The following SOCS6 variants were observed in gnomAD, a reference collection of about 807,000 sequenced individuals.
SOCS6 encodes the protein suppressor of cytokine signaling 6, also known as STAT induced STAT inhibitor-4.
A neutral mutation model predicts 27.7 loss-of-function variants in SOCS6; 5 were observed. The ratio of observed to expected loss-of-function variants is 0.18; its 90% CI spans 0.09 to 0.38. The LOEUF (loss-of-function observed/expected upper bound fraction) is 0.38. Among genes scored for constraint, SOCS6 ranks in the 10% least tolerant of loss-of-function variants. SOCS6 has a pLI of 1.00. For synonymous variants in SOCS6, 271 were observed against 260.0 expected, an observed-to-expected ratio of 1.04 and a Z score of -0.41; for missense variants, 595 against 688.1, an observed-to-expected ratio of 0.86 and a Z score of 1.51.
chr18:70,325,392 C>T lies in SOCS6; in HGVS notation c.724C>T (p.Leu242=). The T allele has an allele frequency of 6.2e-7, 1 of 1,614,224 alleles. No individual in the cohort carries two copies. The highest frequency in any genetic ancestry group is 1.3e-5 in the African/African-American group (1 of 75,056). The part of the protein sequence containing the change: ...YPLEGSRSYC[L]DSSSPMEVSA... ...TTTGGAAGGATCACGGAGCTATTGT[C>T]TGGACAGCTCTTCTCCCATGGAAGT... Residue 242 remains leucine (L), a synonymous_variant, in exon 2 of 2, where the codon CTG becomes TTG. Transcript: ENST00000397942. The surrounding 1 kb of genome is among the most constrained non-coding windows in gnomAD (Gnocchi z 6.3).
chr18:70,315,321 C>T (rs373276380), intron 1 of SOCS6, among the ~76,000 whole-genome samples: 75 of 152,194 alleles, frequency 4.9e-4, no homozygotes, highest in African/African-American at 1.8e-3. Flanking sequence ...GGAAAAAGAG[C>T]CATGGTAGCT....
intron 1 of SOCS6, among the ~76,000 whole-genome samples, chr18:70,310,964 G>A (rs765751732): frequency 1.3e-5 from 2 of 152,192 alleles, no homozygotes; most frequent in Non-Finnish European, 2.9e-5. Context: ...TGTCTTCCAA[G>A]TAGAGCTCTT....
Position 70,326,007 on chromosome 18 carries a change from G to C in SOCS6, c.1339G>C (p.Asp447His), listed in dbSNP as rs765643718. ...NGRFSFYEQP[D>H]VEGHTSIVDL... ...TAGGTTTAGCTTTTATGAACAGCCA[G>C]ATGTGGAAGGACATACGTCCATAGT... Residue 447 changes from aspartate (D) to histidine (H), a missense_variant, in exon 2 of 2, where the codon GAT becomes CAT. Transcript: ENST00000397942. 6.2e-7 allele frequency: 1 copy of C among 1,614,246 alleles called. No individual in the cohort carries two copies. The highest frequency in any genetic ancestry group is 1.1e-5 in the South Asian group (1 of 91,082).
chr18:70,293,146 G>A (rs950903943), intron 1 of SOCS6, among the ~76,000 whole-genome samples: 7 of 152,248 alleles, frequency 4.6e-5, no homozygotes, highest in South Asian at 2.1e-4. Context: ...TGAGTAGGAG[G>A]GGTGTGGGTA....
rs937875027 is a variant in SOCS6, at chr18:70,329,528, G to T, written c.*3252G>T. 2 of 167,042 alleles carry T rather than the reference G, an allele frequency of 1.2e-5. No homozygotes were observed. Among genetic ancestry groups the T allele is most frequent in the African/African-American group, 2.4e-5 (1 of 41,442 alleles). The allele number at this position is 167,042 out of a possible 1,614,324, so 10.3% of individuals were successfully genotyped here. On this transcript the variant is annotated 3_prime_UTR_variant, in exon 2 of 2. Transcript: ENST00000397942. Reference sequence around the variant, plus strand: ...GCCAGTTTTAATTACATTTCACATTGTATATGAGAGATACTGCTTTATGAA... The same window carrying T: ...GCCAGTTTTAATTACATTTCACATTTTATATGAGAGATACTGCTTTATGAA...
intron 1 of SOCS6, among the ~76,000 whole-genome samples, chr18:70,300,100 GA>G (rs2062341621): frequency 6.6e-6 from 1 of 151,994 alleles, no homozygotes; most frequent in Non-Finnish European, 1.5e-5. Flanking sequence ...AAAAATTAAG[GA>G]GAGGTGTGCA....
intron 1 of SOCS6, among the ~76,000 whole-genome samples, chr18:70,323,882 G>C (rs1911084380): frequency 6.6e-6 from 1 of 152,206 alleles, no homozygotes; most frequent in South Asian, 2.1e-4. Context: ...CGGAGTCAGT[G>C]CTGAAGGAGT....
Position 70,325,544 on chromosome 18 carries a change from C to A in SOCS6, c.876C>A (p.Thr292=). ...DQSVNGLLIG[T]TGVMLQSPRA... is the part of the protein sequence containing the mutation. ...CCGTGAATGGCTTGTTGATTGGCACCACGGGAGTCATGTTGCAGAGCCCGA... is the reference window on the plus strand; with the variant it reads ...CCGTGAATGGCTTGTTGATTGGCACAACGGGAGTCATGTTGCAGAGCCCGA... The change falls in exon 2 of 2, where the codon ACC becomes ACA. Residue 292 remains threonine (T), a synonymous_variant. Coordinates refer to ENST00000397942, the MANE Select transcript of SOCS6 (RefSeq NM_004232.4). This position sits in a 1 kb window ranked among gnomAD's most constrained non-coding sequence, Gnocchi z 6.3. The A allele has an allele frequency of 6.2e-7, 1 of 1,614,128 alleles. No individual in the cohort carries two copies. The highest frequency in any genetic ancestry group is 8.5e-7 in the Non-Finnish European group (1 of 1,180,034).
chr18:70,293,718 T>C (rs1392284207), intron 1 of SOCS6, among the ~76,000 whole-genome samples: 1 of 151,564 alleles, frequency 6.6e-6, no homozygotes, highest in Non-Finnish European at 1.5e-5. Context: ...ATAGGGTAGA[T>C]TAAAACAAAA....
intron 1 of SOCS6, among the ~76,000 whole-genome samples, chr18:70,315,062 A>C (rs1013267719): frequency 2.6e-5 from 4 of 152,076 alleles, no homozygotes; most frequent in Non-Finnish European, 4.4e-5. Flanking sequence ...GATATACCTT[A>C]TCTAGTTGAA....
chr18:70,305,936 C>T (rs921203967), intron 1 of SOCS6, among the ~76,000 whole-genome samples: 6 of 151,616 alleles, frequency 4.0e-5, no homozygotes, highest in African/African-American at 9.7e-5. Context: ...GGTTTTTCTA[C>T]GTATAAGATT....
At chr18:70,300,445 A>T (rs1428309068) in intron 1 of SOCS6, among the ~76,000 whole-genome samples, 2 of 152,220 alleles carry the variant, frequency 1.3e-5, no homozygotes, top group African/African-American at 4.8e-5. Context: ...ATCAATTCTT[A>T]TAAGCCAACA....
intron 1 of SOCS6, among the ~76,000 whole-genome samples, chr18:70,297,972 AT>A (rs1342200437): frequency 1.3e-5 from 2 of 152,206 alleles, no homozygotes; most frequent in Non-Finnish European, 2.9e-5. Context: ...ATGTGAAAGC[AT>A]TTGAATAATG....
intron 1 of SOCS6, among the ~76,000 whole-genome samples, chr18:70,290,979 T>G (rs923191750): frequency 2.4e-4 from 37 of 152,196 alleles, no homozygotes; most frequent in African/African-American, 8.4e-4. Flanking sequence ...AGCCATTGAC[T>G]GGGCGTAGGG....
At position 70,326,420 on chromosome 18, in the gene SOCS6, G is replaced by A; in HGVS notation, c.*144G>A. The A allele has an allele frequency of 1.4e-6, 1 of 733,714 alleles. No homozygotes were observed. The highest frequency in any genetic ancestry group is 3.1e-5 in the Admixed American group (1 of 32,086). 45.5% of individuals were successfully genotyped at this position (733,714 alleles called of 1,614,324 possible). On this transcript the variant is annotated 3_prime_UTR_variant, in exon 2 of 2. Transcript: ENST00000397942. ...TAAAAGAGTCATCAGTTTGTTTAGG[G>A]GTGGGGAAGTGTCAGCAAGGTGTCT...
intron 1 of SOCS6, among the ~76,000 whole-genome samples, chr18:70,312,771 A>AT (rs375997089): frequency 0.052 from 6,312 of 121,818 alleles, 312 homozygotes; most frequent in African/African-American, 0.083. Flanking sequence ...AATTCTTTGG[A>AT]TTTTTTTTTT....
At chr18:70,299,876 T>A (rs2062340634) in intron 1 of SOCS6, among the ~76,000 whole-genome samples, 1 of 152,162 alleles carries the variant, frequency 6.6e-6, no homozygotes, top group Non-Finnish European at 1.5e-5. Flanking sequence ...TTATAAATAA[T>A]CTAGAGATGA....
At chr18:70,319,608 TAAAAAA>T (rs34494275) in intron 1 of SOCS6, among the ~76,000 whole-genome samples, 24 of 126,330 alleles carry the variant, frequency 1.9e-4, no homozygotes, top group Middle Eastern at 4.2e-3. Context: ...AGCACTTCAG[TAAAAAA>T]AAAAAAAAAA....
intron 1 of SOCS6, among the ~76,000 whole-genome samples, chr18:70,311,515 C>G (rs1332412436): frequency 6.6e-6 from 1 of 152,052 alleles, no homozygotes; most frequent in Non-Finnish European, 1.5e-5. Flanking sequence ...TTAAATTGTA[C>G]CTGAACACTT....
Sources: allele counts gnomAD v4.1 joint callset (sites outside exome capture counted in the v4.1 genomes callset), GRCh38; gene constraint gnomAD v4.1.1; non-coding constraint Gnocchi (gnomAD v3.1); transcripts MANE v1.5; gene names NCBI Gene and HGNC (gene_info 2026-07-23, HGNC 2026-07-21).